THNSL1: variants seen among roughly 807,000 people sequenced by gnomAD.
THNSL1 encodes threonine synthase like 1.
In THNSL1, 48 loss-of-function variants were observed where a neutral mutation model predicts 50.4. The ratio of observed to expected loss-of-function variants is 0.95; its 90% CI spans 0.76 to 1.21. The LOEUF (loss-of-function observed/expected upper bound fraction) is 1.21. Ranked by LOEUF, THNSL1 falls within the 50% of genes most tolerant of loss-of-function variation. The pLI, the probability that THNSL1 is intolerant of heterozygous loss-of-function variation, is 0.00. For missense variants in THNSL1, 896 were observed against 871.7 expected, an observed-to-expected ratio of 1.03 and a Z score of -0.35; for synonymous variants, 309 against 306.1, an observed-to-expected ratio of 1.01 and a Z score of -0.10.
the THNSL1 span, among the ~76,000 whole-genome samples, chr10:24,963,956 A>G: frequency 6.6e-6 from 1 of 152,038 alleles, no homozygotes; most frequent in Non-Finnish European, 1.5e-5. Flanking sequence ...AGAAGTACCC[A>G]GGTTTGTAAA....
chr10:24,953,816 G>C, the THNSL1 span, among the ~76,000 whole-genome samples: 1 of 152,226 alleles, frequency 6.6e-6, no homozygotes, highest in East Asian at 1.9e-4. Flanking sequence ...ATCGGTTAAT[G>C]ACGTTCTAGG....
At chr10:24,969,502 G>C in the THNSL1 span, among the ~76,000 whole-genome samples, 1 of 152,152 alleles carries the variant, frequency 6.6e-6, no homozygotes, top group African/African-American at 2.4e-5. Flanking sequence ...CTGTAGTTTG[G>C]TGTACTTATT....
At chr10:25,023,037 C>T in intron 2 of THNSL1, 139 bp from the exon 3 acceptor site, 1 of 496,636 alleles carries the variant, frequency 2.0e-6, no homozygotes. Context: ...TTTTTAATTC[C>T]ATAAGTTTGG....
chr10:24,968,895 G>A, the THNSL1 span, among the ~76,000 whole-genome samples: 1 of 152,138 alleles, frequency 6.6e-6, no homozygotes, highest in Non-Finnish European at 1.5e-5. Context: ...CTTCTTTGTT[G>A]TTGTTGTTGT....
At chr10:24,964,242 G>A in the THNSL1 span, among the ~76,000 whole-genome samples, 1 of 152,176 alleles carries the variant, frequency 6.6e-6, no homozygotes, top group African/African-American at 2.4e-5. Flanking sequence ...CACTGCCCTA[G>A]AGTAACAGCC....
At chr10:24,982,744 G>A in the THNSL1 span, 1 of 152,198 alleles carries the variant, frequency 6.6e-6, no homozygotes, top group Non-Finnish European at 1.5e-5. Flanking sequence ...CAGGAACAAT[G>A]GATGGGAATG....
the THNSL1 span, among the ~76,000 whole-genome samples, chr10:24,979,921 G>T: frequency 6.6e-6 from 1 of 152,154 alleles, no homozygotes; most frequent in African/African-American, 2.4e-5. Flanking sequence ...TCAGAATTTG[G>T]TTGTAAATTT....
upstream of THNSL1, chr10:25,016,514 CGAGGGAGGG>C (rs1472476521): frequency 6.6e-6 from 1 of 152,668 alleles, no homozygotes; most frequent in African/African-American, 2.4e-5. Context: ...GCCAGGGAGA[CGAGGGAGGG>C]GAGGAGCCTG....
chr10:24,964,609 C>A, the THNSL1 span, among the ~76,000 whole-genome samples: 1 of 152,120 alleles, frequency 6.6e-6, no homozygotes, highest in Non-Finnish European at 1.5e-5. Flanking sequence ...TAATAGACGT[C>A]CAAGATTCAT....
chr10:24,967,863 T>C, the THNSL1 span, among the ~76,000 whole-genome samples: 1 of 151,830 alleles, frequency 6.6e-6, no homozygotes, highest in Admixed American at 6.6e-5. Context: ...GCGTATGATG[T>C]ATATGATGTG....
the THNSL1 span, among the ~76,000 whole-genome samples, chr10:24,986,736 C>T: frequency 6.6e-6 from 1 of 152,134 alleles, no homozygotes; most frequent in Non-Finnish European, 1.5e-5. Context: ...GGATCAAAGT[C>T]AACAGCCAGG....
At chr10:25,003,875 G>A in the THNSL1 span, among the ~76,000 whole-genome samples, 8 of 152,070 alleles carry the variant, frequency 5.3e-5, no homozygotes, top group Non-Finnish European at 8.8e-5. Flanking sequence ...CCCTCCATGT[G>A]TTCATGTGTT....
At chr10:24,989,486 T>C in the THNSL1 span, among the ~76,000 whole-genome samples, 2 of 152,204 alleles carry the variant, frequency 1.3e-5, no homozygotes, top group African/African-American at 4.8e-5. Context: ...CTTGGAACCT[T>C]ATGAAACTTA....
the THNSL1 span, among the ~76,000 whole-genome samples, chr10:24,995,128 T>C: frequency 5.9e-5 from 9 of 151,940 alleles, no homozygotes; most frequent in East Asian, 1.2e-3. Flanking sequence ...TACTTTCAAG[T>C]CTTTACCCAA....
At chr10:25,008,891 T>C in the THNSL1 span, among the ~76,000 whole-genome samples, 2 of 152,078 alleles carry the variant, frequency 1.3e-5, no homozygotes, top group South Asian at 4.2e-4. Context: ...ATTAAGAAAA[T>C]GTGGCACATA....
chr10:25,015,910 G>A, upstream of THNSL1: 1 of 1,608,138 alleles, frequency 6.2e-7, no homozygotes. Context: ...GGTTATAAAT[G>A]CACTCAGAAG....
the THNSL1 span, chr10:24,953,548 CCT>C: frequency 6.6e-6 from 1 of 152,192 alleles, no homozygotes. Context: ...CATTTCAACC[CCT>C]CTCACATGCC....
the THNSL1 span, among the ~76,000 whole-genome samples, chr10:24,973,396 G>A: frequency 0.012 from 1,863 of 151,940 alleles, 25 homozygotes; most frequent in Middle Eastern, 0.065. Flanking sequence ...TTCAGGTCCA[G>A]GTGGGATGGA....
upstream of THNSL1, among the ~76,000 whole-genome samples, chr10:25,012,926 A>T (rs1850483098): frequency 6.6e-6 from 1 of 152,198 alleles, no homozygotes; most frequent in African/African-American, 2.4e-5. Context: ...CTCACATTAA[A>T]TTGATGAGAT....
Sources: gnomAD v4.1 joint callset for allele counts (sites outside exome capture counted in the v4.1 genomes callset) on GRCh38, gnomAD v4.1.1 for gene constraint, MANE v1.5 for transcripts, NCBI Gene and HGNC (gene_info 2026-07-23, HGNC 2026-07-21) for gene names.